Variants in RFX7 observed in about 807,000 individuals in gnomAD.
RFX7 encodes DNA-binding protein RFX7.
RFX7 carries 26 observed loss-of-function variants against 111.8 expected under a neutral mutation model. The observed-to-expected ratio is 0.23, with a 90% CI of 0.17 to 0.32. The LOEUF is 0.32. Among genes scored for constraint, RFX7 ranks in the 10% least tolerant of loss-of-function variants. The pLI is 1.00. For missense variants in RFX7, 1,573 were observed against 1,772.9 expected (o/e 0.89, Z 2.02); for synonymous variants, 624 against 624.4 (o/e 1.00, Z 0.01).
intron 2 of RFX7, among the ~76,000 whole-genome samples, chr15:56,217,054 A>T (rs1295969894): frequency 6.6e-6 from 1 of 152,228 alleles, no homozygotes; most frequent in Non-Finnish European, 1.5e-5. Flanking sequence ...AAAAAATTAG[A>T]AAGAATAGTA....
Position 56,093,658 on chromosome 15 carries a change from T to A in RFX7, c.4070A>T (p.Asp1357Val), listed in dbSNP as rs762388313. Residue 1357 changes from aspartate (D) to valine (V), a missense_variant, in exon 10 of 10, where the codon GAC becomes GTC. This residue lies in a region of RFX7 where 411 missense variants were observed against 478.1 expected (regional missense o/e 0.86). Coordinates refer to ENST00000559447, the MANE Select transcript of RFX7 (RefSeq NM_022841.7). ...CAGCTGCTGGTTGGTTTGCAAGCTG[T>A]CTCCACTCAACAGGTCTTTAACAGT... ...NSTVKDLLSG[D>V]SLQTNQQLVG... 1 of 1,613,842 alleles carries A rather than the reference T, an allele frequency of 6.2e-7. No homozygotes were observed. Among genetic ancestry groups the A allele is most frequent in the South Asian group, 1.1e-5 (1 of 91,078 alleles).
chr15:56,239,831 A>G (rs2043667210), intron 2 of RFX7, among the ~76,000 whole-genome samples: 1 of 152,134 alleles, frequency 6.6e-6, no homozygotes, highest in South Asian at 2.1e-4. Flanking sequence ...TTCCACAGCA[A>G]TTTTATTCTA....
chr15:56,216,421 T>C (rs2043363397), intron 2 of RFX7, among the ~76,000 whole-genome samples: 1 of 152,214 alleles, frequency 6.6e-6, no homozygotes, highest in South Asian at 2.1e-4. Context: ...TGGCATCAAG[T>C]TGCTTATAAT....
chr15:56,162,716 A>G (rs568058664), intron 3 of RFX7, among the ~76,000 whole-genome samples: 11 of 152,156 alleles, frequency 7.2e-5, no homozygotes, highest in African/African-American at 2.6e-4. Flanking sequence ...GTTTAATGTA[A>G]AAAAAGGAAA....
chr15:56,144,439 G>A lies in RFX7; in HGVS notation c.240C>T (p.Tyr80=), dbSNP rs1303892066. The change falls in exon 4 of 10, where the codon TAC becomes TAT. Residue 80 remains tyrosine (Y), a synonymous_variant. Transcript: ENST00000559447. Reference sequence around the variant, plus strand: ...TGCTGAGACCAGAAGGCAGCTGAAGGTAGAGGTAGAGTTTCTCTAGGTCTG... The same window carrying A: ...TGCTGAGACCAGAAGGCAGCTGAAGATAGAGGTAGAGTTTCTCTAGGTCTG... The part of the protein sequence containing the change: ...KFTDLEKLYL[Y]LQLPSGLSNG... 1 of 1,365,922 alleles carries A rather than the reference G, an allele frequency of 7.3e-7. No homozygotes were observed. The highest frequency in any genetic ancestry group is 9.8e-7 in the Non-Finnish European group (1 of 1,020,402). The allele number at this position is 1,365,922 out of a possible 1,614,324, so 84.6% of individuals were successfully genotyped here.
chr15:56,163,389 A>G (rs1308647061), intron 3 of RFX7, among the ~76,000 whole-genome samples: 1 of 152,150 alleles, frequency 6.6e-6, no homozygotes, highest in Non-Finnish European at 1.5e-5. Flanking sequence ...GCAGTAAGTA[A>G]ATGAAGAAGA....
At position 56,096,231 on chromosome 15, in the gene RFX7, T is replaced by C. The variant is rs759102226; in HGVS notation, c.1497A>G (p.Thr499=). ...CACTCCTTGATTCTTCTGTTGTTCC[T>C]GTAGCACTGCTGACTGAGGCAGAAT... is the stretch of plus-strand genomic sequence containing the variant. ...LKHSASVSSA[T]GTTEESRSVP... is the part of the protein sequence containing the mutation. Residue 499 remains threonine, a synonymous_variant, in exon 10 of 10, where the codon ACA becomes ACG. Coordinates refer to ENST00000559447, the MANE Select transcript of RFX7 (RefSeq NM_022841.7). 10 of 1,614,008 alleles carry C rather than the reference T, an allele frequency of 6.2e-6. No individual in the cohort carries two copies. In the South Asian group the frequency reaches 9.9e-5, roughly 16 times the overall value.
chr15:56,234,224 A>T (rs2043598608), intron 2 of RFX7, among the ~76,000 whole-genome samples: 1 of 152,224 alleles, frequency 6.6e-6, no homozygotes, highest in African/African-American at 2.4e-5. Flanking sequence ...TGATAAACTC[A>T]ATTGATGAGT....
chr15:56,169,882 T>C (rs1393984510), intron 3 of RFX7, among the ~76,000 whole-genome samples: 1 of 150,770 alleles, frequency 6.6e-6, no homozygotes, highest in Non-Finnish European at 1.5e-5. Context: ...CTAAACTAAG[T>C]AGAGCAGGAG....
intron 2 of RFX7, among the ~76,000 whole-genome samples, chr15:56,183,191 C>A (rs2725870): frequency 0.33 from 49,826 of 151,778 alleles, 9,317 homozygotes; most frequent in Non-Finnish European, 0.41. Context: ...TATTTTTAAG[C>A]GGAGCTATTT....
chr15:56,122,737 C>T (rs758889620), intron 5 of RFX7, among the ~76,000 whole-genome samples: 10 of 97,898 alleles, frequency 1.0e-4, no homozygotes, highest in Non-Finnish European at 2.0e-4. Flanking sequence ...AAGCTGGCAC[C>T]CAAACCACAA....
intron 5 of RFX7, among the ~76,000 whole-genome samples, chr15:56,104,490 C>T (rs561223958): frequency 6.6e-6 from 1 of 152,318 alleles, no homozygotes; most frequent in Admixed American, 6.5e-5. Flanking sequence ...GTCTCCGCCT[C>T]ACCTCTCATT....
intron 2 of RFX7, chr15:56,192,437 G>C (rs2043109770): frequency 4.6e-6 from 1 of 218,180 alleles, no homozygotes; most frequent in African/African-American, 2.3e-5. Context: ...GCTGAAATAT[G>C]GGGTTCTTTG....
At chr15:56,173,589 T>C (rs2141115943) in intron 3 of RFX7, among the ~76,000 whole-genome samples, 1 of 152,336 alleles carries the variant, frequency 6.6e-6, no homozygotes, top group South Asian at 2.1e-4. Context: ...GAGACCAGCC[T>C]GGCCAACATG....
chr15:56,100,755 G>T (rs1332050666), intron 8 of RFX7, among the ~76,000 whole-genome samples: 3 of 152,044 alleles, frequency 2.0e-5, no homozygotes, highest in African/African-American at 7.2e-5. Context: ...ATTTAGGAGG[G>T]AGTCATTCTA....
In RFX7 at chr15:56,093,847, G is replaced by T. The variant is rs1205628301; in HGVS notation, c.3881C>A (p.Pro1294His). The T allele has an allele frequency of 8.7e-6, 14 of 1,613,908 alleles. No homozygotes were observed. Among genetic ancestry groups the T allele is most frequent in the Non-Finnish European group, 1.0e-5 (12 of 1,179,864 alleles). The change falls in exon 10 of 10, where the codon CCT (proline) becomes CAT (histidine). Residue 1294 changes from proline to histidine, a missense_variant. Transcript: ENST00000559447. ...TQILEPSTVF[P>H]SANPQNMIDS... ...GATCATATTTTGTGGGTTGGCACTAGGAAAAACAGTGGAAGGTTCCAAAAT... is the reference window on the plus strand; with the variant it reads ...GATCATATTTTGTGGGTTGGCACTATGAAAAACAGTGGAAGGTTCCAAAAT...
intron 2 of RFX7, among the ~76,000 whole-genome samples, chr15:56,179,873 A>C (rs2141132985): frequency 6.6e-6 from 1 of 152,086 alleles, no homozygotes; most frequent in East Asian, 1.9e-4. Context: ...TATAGTAATA[A>C]ATTGGGAGGG....
At chr15:56,128,952 C>A (rs1224328470) in intron 5 of RFX7, among the ~76,000 whole-genome samples, 2 of 151,874 alleles carry the variant, frequency 1.3e-5, no homozygotes, top group Non-Finnish European at 2.9e-5. Flanking sequence ...CCACTTCAAT[C>A]AAAAATATTG....
Position 56,094,328 on chromosome 15 carries a change from C to G in RFX7, c.3400G>C (p.Val1134Leu). The change falls in exon 10 of 10, where the codon GTA becomes CTA. Residue 1134 changes from valine to leucine, a missense_variant. Val to Leu is a conservative substitution (Grantham distance 32). This residue lies in a region of RFX7 where 411 missense variants were observed against 478.1 expected (regional missense o/e 0.86). Coordinates refer to ENST00000559447, the MANE Select transcript of RFX7 (RefSeq NM_022841.7). ...CCCTCCTGTTTGTTGGTGTTATTTA[C>G]AGTGGCACCTTGATGCTGCACAGGA... ...VSPVQHQGAT[V>L]NNTNKQEGFA... 6.2e-7 allele frequency: 1 copy of G among 1,613,972 alleles called. No homozygotes were observed. The highest frequency in any genetic ancestry group is 8.5e-7 in the Non-Finnish European group (1 of 1,179,876).
Sources: allele counts gnomAD v4.1 joint callset (sites outside exome capture counted in the v4.1 genomes callset), GRCh38; gene constraint gnomAD v4.1.1; regional missense constraint gnomAD v4.1.1; transcripts MANE v1.5; gene names NCBI Gene and HGNC (gene_info 2026-07-23, HGNC 2026-07-21).